Variants in ARMCX4 observed in about 807,000 individuals in gnomAD.
ARMCX4 encodes armadillo repeat-containing X-linked protein 4.
ARMCX4 carries 3 observed loss-of-function variants against 34.7 expected under a neutral mutation model. The ratio of observed to expected loss-of-function variants is 0.09; its 90% confidence interval spans 0.04 to 0.22. ARMCX4 has a LOEUF of 0.22. Ranked by LOEUF, ARMCX4 falls within the 10% of genes least tolerant of loss-of-function variation. ARMCX4 has a pLI of 1.00. For missense variants in ARMCX4, 1,448 were observed against 1,720.8 expected, an observed-to-expected ratio of 0.84 and a Z score of 2.81; for synonymous variants, 513 against 632.8, an observed-to-expected ratio of 0.81 and a Z score of 2.84.
At chrX:101,462,438 G>A (rs782810109) in intron 4 of ARMCX4, among the ~76,000 whole-genome samples, 41 of 110,251 alleles carry the variant, frequency 3.7e-4, no homozygotes, top group African/African-American at 1.2e-3. Context: ...TCAGGAGATC[G>A]AGACCATCCT....
chrX:101,429,309 A>G (rs1929836253), intron 2 of ARMCX4, among the ~76,000 whole-genome samples: 1 of 106,784 alleles, frequency 9.4e-6, no homozygotes, highest in Non-Finnish European at 1.9e-5. Flanking sequence ...CATGGGTATA[A>G]TAATGCCTAC....
chrX:101,450,279 C>T (rs1931906358), downstream of ARMCX4, among the ~76,000 whole-genome samples: 1 of 112,613 alleles, frequency 8.9e-6, no homozygotes, highest in South Asian at 3.7e-4. Flanking sequence ...GGTGGCAAAG[C>T]CAGTTAGGCT....
intron 2 of ARMCX4, among the ~76,000 whole-genome samples, chrX:101,436,958 C>T (rs1436583379): frequency 5.4e-5 from 6 of 111,713 alleles, no homozygotes; most frequent in African/African-American, 1.3e-4. Flanking sequence ...TATTGATTTG[C>T]GTATGTTGAA....
intron 8 of ARMCX4, among the ~76,000 whole-genome samples, chrX:101,507,704 G>A (rs782668752): frequency 1.8e-4 from 20 of 111,814 alleles, no homozygotes; most frequent in South Asian, 3.7e-4. Flanking sequence ...TTGAGATTTT[G>A]CCTGTCTGAA....
intron 8 of ARMCX4, among the ~76,000 whole-genome samples, chrX:101,506,772 A>G (rs1338159592): frequency 5.4e-5 from 6 of 110,960 alleles, no homozygotes; most frequent in Non-Finnish European, 1.1e-4. Context: ...TCTATGTTCA[A>G]TTTCAGAACC....
At chrX:101,422,409 C>G (rs1466241100) in intron 2 of ARMCX4, among the ~76,000 whole-genome samples, 3 of 108,998 alleles carry the variant, frequency 2.8e-5, no homozygotes, top group Non-Finnish European at 3.8e-5. Flanking sequence ...CATAGGGGGT[C>G]GAAGTGAGTC....
chrX:101,529,864 C>G (rs1473794536), intron 11 of ARMCX4, among the ~76,000 whole-genome samples: 7 of 111,364 alleles, frequency 6.3e-5, no homozygotes, highest in Non-Finnish European at 9.4e-5. Flanking sequence ...GGAGAAATAG[C>G]AACACTTTTA....
downstream of ARMCX4, among the ~76,000 whole-genome samples, chrX:101,449,256 G>A (rs1471486721): frequency 8.9e-6 from 1 of 111,974 alleles, no homozygotes; most frequent in Non-Finnish European, 1.9e-5. Flanking sequence ...CCTTCTCTAG[G>A]TTTCAGAAGT....
At chrX:101,430,491 A>T (rs1555991752) in intron 2 of ARMCX4, among the ~76,000 whole-genome samples, 1 of 112,725 alleles carries the variant, frequency 8.9e-6, no homozygotes, top group African/African-American at 3.2e-5. Context: ...CTAATATGTG[A>T]CAGAAGAAAT....
intron 4 of ARMCX4, among the ~76,000 whole-genome samples, chrX:101,480,123 GACACACACACACACACACACACACAC>G (rs57237822): frequency 1.2e-4 from 9 of 76,691 alleles, no homozygotes; most frequent in Admixed American, 6.8e-4. Flanking sequence ...AGGATTTGGA[GACACACACACACACACACACACACAC>G]ACACACACAC....
chrX:101,492,123 G>A lies in ARMCX4; in HGVS notation c.3534G>A (p.Gly1178=). 1 of 1,154,462 alleles carries A rather than the reference G, an allele frequency of 8.7e-7. No homozygotes were observed. Among genetic ancestry groups the A allele is most frequent in the Non-Finnish European group, 1.1e-6 (1 of 872,107 alleles). Residue 1178 remains glycine (G), a synonymous_variant, in exon 6 of 6, where the codon GGG becomes GGA. Transcript: ENST00000423738. ...GARAENVVGI[G]TWARAGEQAS... is the part of the protein sequence containing the mutation. ...GGGCTGAGAATGTGGTTGGTATTGG[G>A]ACTTGGGCTAGAGCTGGGGAGCAGG...
chrX:101,500,973 A>G (rs782214337), intron 7 of ARMCX4, among the ~76,000 whole-genome samples: 13 of 112,273 alleles, frequency 1.2e-4, no homozygotes, highest in African/African-American at 4.2e-4. Flanking sequence ...TGAACCCTAC[A>G]AAGATCCAGG....
Position 101,492,946 on chromosome X carries a change from G to C in ARMCX4, c.4357G>C (p.Ala1453Pro). 1 of 1,155,435 alleles carries C rather than the reference G, an allele frequency of 8.7e-7. No individual in the cohort carries two copies. The highest frequency in any genetic ancestry group is 1.1e-6 in the Non-Finnish European group (1 of 872,381). ...GGCCAATGGAGGGTCCTGGACTGGG[G>C]CTGGGCATCCAGCTAGTGTTGGGCC... ...DQANGGSWTGAGHPASVGPKP... is the reference protein window; with the variant it reads ...DQANGGSWTGPGHPASVGPKP... The change falls in exon 6 of 6, where the codon GCT becomes CCT. Residue 1453 changes from alanine to proline, a missense_variant. This residue lies in a region of ARMCX4 where 1,343 missense variants were observed against 1,540.7 expected (regional missense o/e 0.87). Coordinates refer to ENST00000423738, the MANE Select transcript of ARMCX4 (RefSeq NM_001256155.3).
In ARMCX4 at chrX:101,494,563, G is replaced by A. The variant is rs1273786657; in HGVS notation, c.5974G>A (p.Gly1992Arg). ...TGGGGCAGGAATGGGGTCATGGGAT[G>A]GAGCCATGATCTGGTCGGAAACTAA... ...VPGAGMGSWD[G>R]AMIWSETKFA... Residue 1992 changes from glycine to arginine, a missense_variant, in exon 6 of 6, where the codon GGA becomes AGA. This residue lies in a region of ARMCX4 where 1,343 missense variants were observed against 1,540.7 expected (regional missense o/e 0.87). Transcript: ENST00000423738. 3 of 1,152,910 alleles carry A rather than the reference G, an allele frequency of 2.6e-6. No homozygotes were observed. Among genetic ancestry groups the A allele is most frequent in the Non-Finnish European group, 3.4e-6 (3 of 871,511 alleles).
chrX:101,471,319 A>G (rs1473045960), intron 4 of ARMCX4, among the ~76,000 whole-genome samples: 3 of 111,857 alleles, frequency 2.7e-5, no homozygotes, highest in Non-Finnish European at 5.6e-5. Context: ...TTTCTCTTTT[A>G]TTATTTCAAC....
chrX:101,420,187 C>T (rs1929152364), intron 2 of ARMCX4, among the ~76,000 whole-genome samples: 1 of 111,378 alleles, frequency 9.0e-6, no homozygotes, highest in Non-Finnish European at 1.9e-5. Flanking sequence ...GTGAAACCCC[C>T]ATCTCTACTA....
In ARMCX4 at chrX:101,420,599, C is replaced by T. The variant is rs1250406609; in HGVS notation, n.164+1599C>T. The stretch of plus-strand genomic sequence containing the variant: ...TATAAAATAGGGGTATTCGACTAGT[C>T]AAGGTGGTCAGGAATTGCTTCAAAG... On this transcript the variant is annotated intron_variant and non_coding_transcript_variant, in intron 2 of 3. Transcript: ENST00000430461. Among the ~76,000 whole-genome samples, 3 of 111,569 alleles carry T rather than the reference C, an allele frequency of 2.7e-5. No individual in the cohort carries two copies. The East Asian group carries it at 8.5e-4, about 32-fold the overall frequency.
At chrX:101,442,813 A>G (rs782390131) in intron 2 of ARMCX4, among the ~76,000 whole-genome samples, 2 of 110,568 alleles carry the variant, frequency 1.8e-5, no homozygotes, top group Non-Finnish European at 3.8e-5. Context: ...GATGATGGTG[A>G]CCCCTCCAAA....
At chrX:101,433,270 AC>A (rs1555993108) in intron 2 of ARMCX4, among the ~76,000 whole-genome samples, 1 of 108,476 alleles carries the variant, frequency 9.2e-6, no homozygotes. Flanking sequence ...ACATATATGT[AC>A]ACATGTACGT....
Sources: allele counts gnomAD v4.1 joint callset (sites outside exome capture counted in the v4.1 genomes callset), GRCh38; gene constraint gnomAD v4.1.1; regional missense constraint gnomAD v4.1.1; transcripts MANE v1.5; gene names NCBI Gene and HGNC (gene_info 2026-07-23, HGNC 2026-07-21).